Variants in NEO1 observed in about 807,000 individuals in gnomAD.
The protein encoded by NEO1 is neogenin.
NEO1 carries 63 observed loss-of-function variants against 159.7 expected under a neutral mutation model. That is an observed-to-expected ratio of 0.39 (90% CI 0.32 to 0.49). NEO1 has a LOEUF of 0.49. Ranked by LOEUF, NEO1 falls within the 20% of genes least tolerant of loss-of-function variation. The probability of loss-of-function intolerance (pLI) is 0.85; values close to 1 mark genes in which losing one functional copy is unlikely to be tolerated. For missense variants in NEO1, 1,615 were observed against 1,831.0 expected (o/e 0.88, Z 2.15); for synonymous variants, 633 against 662.0 (o/e 0.96, Z 0.67).
At position 73,077,927 on chromosome 15, in the gene NEO1, G is replaced by A. The variant is rs529570694; in HGVS notation, c.130+25122G>A. Among the ~76,000 whole-genome samples, 17 of 152,288 alleles carry A rather than the reference G, an allele frequency of 1.1e-4. No individual in the cohort carries two copies. The East Asian group carries it at 2.3e-3, about 21-fold the overall frequency. On this transcript the variant is annotated intron_variant, in intron 1 of 28. Coordinates refer to ENST00000261908, the MANE Select transcript of NEO1 (RefSeq NM_002499.4). ...GGTACATGGTTCCTCTGTCCATTGC[G>A]CAGGATGTTGGCCCTGGCTTAGCAG...
At chr15:73,233,383 C>T (rs192701974) in intron 7 of NEO1, among the ~76,000 whole-genome samples, 181 of 152,220 alleles carry the variant, frequency 1.2e-3, no homozygotes, top group Non-Finnish European at 2.3e-3. Context: ...TATTTATATA[C>T]ACTTTGTGTC....
intron 28 of NEO1, 91 bp from the exon 29 acceptor site, chr15:73,302,522 C>G (rs2042661560): frequency 1.7e-6 from 2 of 1,187,408 alleles, no homozygotes; most frequent in South Asian, 2.6e-5. Context: ...CATTTGACTA[C>G]TGACCACATG....
Position 73,052,781 on chromosome 15 carries a change from A to C in NEO1, c.106A>C (p.Ser36Arg), listed in dbSNP as rs760820338. The change falls in exon 1 of 29, where the codon AGC (serine) becomes CGC (arginine). Residue 36 changes from serine (S) to arginine (R), a missense_variant. By Grantham distance (110) the Ser-to-Arg change is moderately radical. Around this residue, in one of 3 missense-constraint regions of NEO1, gnomAD observed 1,018 missense variants for 1,115.4 expected, o/e 0.91. Transcript: ENST00000261908. ...RRAPGAAAAR[S>R]GSAPQSPGAS... ...GGCGCCGGGCGCCGCGGCCGCCAGGAGCGGCTCCGCGCCGCAGTCCCCAGG... is the reference window on the plus strand; with the variant it reads ...GGCGCCGGGCGCCGCGGCCGCCAGGCGCGGCTCCGCGCCGCAGTCCCCAGG... 1.7e-6 allele frequency: 2 copies of C among 1,161,552 alleles called. No homozygotes were observed. The highest frequency in any genetic ancestry group is 4.5e-5 in the East Asian group (1 of 21,990). 72.0% of individuals were successfully genotyped at this position (1,161,552 alleles called of 1,614,324 possible). A position where few individuals can be genotyped will look rare whatever the true frequency, so the allele number is the denominator to read the frequency against.
intron 15 of NEO1, among the ~76,000 whole-genome samples, chr15:73,265,309 G>A (rs2040835162): frequency 1.3e-5 from 2 of 152,162 alleles, no homozygotes; most frequent in South Asian, 4.1e-4. Context: ...TAAACCAGGG[G>A]ACACTGGAGC....
At chr15:73,281,186 C>T (rs1482521178) in intron 22 of NEO1, among the ~76,000 whole-genome samples, 5 of 133,114 alleles carry the variant, frequency 3.8e-5, no homozygotes, top group East Asian at 2.3e-4. Context: ...CCAGCCTGGA[C>T]GACAGAGCGA....
chr15:73,245,281 C>CT (rs1325587566), intron 9 of NEO1, among the ~76,000 whole-genome samples: 6 of 152,156 alleles, frequency 3.9e-5, no homozygotes, highest in African/African-American at 1.4e-4. Context: ...ACTGGATTGT[C>CT]TGTCTTTAGG....
At chr15:73,141,304 T>C (rs1213374630) in intron 5 of NEO1, among the ~76,000 whole-genome samples, 1 of 152,210 alleles carries the variant, frequency 6.6e-6, no homozygotes, top group Admixed American at 6.5e-5. Flanking sequence ...AGTGTTAATG[T>C]AGAAAAGGTT....
At position 73,054,176 on chromosome 15, in the gene NEO1, G is replaced by A. The variant is rs534831065; in HGVS notation, c.130+1371G>A. The stretch of plus-strand genomic sequence containing the variant: ...ATCCAACTGTCTCTTAGATGAGCAA[G>A]AGAAATATAACTATTTTGGAAAACA... On this transcript the variant is annotated intron_variant, in intron 1 of 28. Coordinates refer to ENST00000261908, the MANE Select transcript of NEO1 (RefSeq NM_002499.4). 8.5e-5 allele frequency among the ~76,000 whole-genome samples: 13 copies of A among 152,322 alleles called. No homozygotes were observed. In the South Asian group the frequency reaches 2.7e-3, roughly 32 times the overall value.
At chr15:73,126,908 T>C (rs765406037) in intron 4 of NEO1, among the ~76,000 whole-genome samples, 2 of 152,164 alleles carry the variant, frequency 1.3e-5, no homozygotes, top group South Asian at 4.1e-4. Flanking sequence ...ATGCATTTTT[T>C]TGATAGTAGT....
At chr15:73,119,523 C>G (rs1329026127) in intron 2 of NEO1, among the ~76,000 whole-genome samples, 3 of 152,180 alleles carry the variant, frequency 2.0e-5, no homozygotes, top group African/African-American at 7.2e-5. Flanking sequence ...TATTTTGTGC[C>G]CAGAGGTGGG....
At chr15:73,109,369 A>G (rs1160457393) in intron 1 of NEO1, among the ~76,000 whole-genome samples, 16 of 152,224 alleles carry the variant, frequency 1.1e-4, no homozygotes, top group Non-Finnish European at 2.2e-4. Flanking sequence ...GGGGGAGAAA[A>G]TGTTAGATAC....
chr15:73,179,371 G>A (rs1480006734), intron 7 of NEO1, among the ~76,000 whole-genome samples: 1 of 152,178 alleles, frequency 6.6e-6, no homozygotes, highest in Non-Finnish European at 1.5e-5. Context: ...TTACTGGATG[G>A]CAGAGAAGTT....
At chr15:73,182,045 AGG>A (rs2151972408) in intron 7 of NEO1, among the ~76,000 whole-genome samples, 1 of 152,194 alleles carries the variant, frequency 6.6e-6, no homozygotes, top group East Asian at 1.9e-4. Flanking sequence ...GCAGAAGGCA[AGG>A]AGGAGCGAGT....
intron 26 of NEO1, among the ~76,000 whole-genome samples, chr15:73,295,513 T>G (rs1024316205): frequency 4.6e-5 from 7 of 151,390 alleles, no homozygotes; most frequent in Non-Finnish European, 8.8e-5. Context: ...TCCCTTGTGA[T>G]CTAGTATTGG....
At chr15:73,232,735 T>C (rs1159323441) in intron 7 of NEO1, among the ~76,000 whole-genome samples, 1 of 152,208 alleles carries the variant, frequency 6.6e-6, no homozygotes, top group Non-Finnish European at 1.5e-5. Flanking sequence ...CTCAATGAGA[T>C]ACAACCTCAG....
chr15:73,132,462 TC>T (rs1477315340), intron 4 of NEO1, among the ~76,000 whole-genome samples: 4 of 152,144 alleles, frequency 2.6e-5, no homozygotes, highest in African/African-American at 9.7e-5. Flanking sequence ...AAAAAACTCT[TC>T]TAGACATTGG....
intron 5 of NEO1, chr15:73,162,559 A>G (rs2034266805): frequency 6.5e-6 from 1 of 153,834 alleles, no homozygotes; most frequent in Admixed American, 6.6e-5. Flanking sequence ...TGCCCAGCTA[A>G]TTTTTGAGTT....
intron 5 of NEO1, among the ~76,000 whole-genome samples, chr15:73,142,053 C>G (rs1015827883): frequency 7.2e-5 from 11 of 151,884 alleles, no homozygotes; most frequent in African/African-American, 2.7e-4. Context: ...GTCTTTGTTT[C>G]TTTTATCAGT....
At chr15:73,253,373 ATTT>A (rs747030708) in intron 11 of NEO1, 24 bp from the exon 12 acceptor site, 1,493 of 1,140,710 alleles carry the variant, frequency 1.3e-3, no homozygotes, top group South Asian at 2.9e-3. Context: ...TAAAAAAAAA[ATTT>A]TTTTTTTTTT....
Sources: allele counts gnomAD v4.1 joint callset (sites outside exome capture counted in the v4.1 genomes callset), GRCh38; gene constraint gnomAD v4.1.1; regional missense constraint gnomAD v4.1.1; transcripts MANE v1.5; gene names NCBI Gene and HGNC (gene_info 2026-07-23, HGNC 2026-07-21).